PTPRS: variants seen among roughly 807,000 people sequenced by gnomAD.
The protein encoded by PTPRS is receptor-type tyrosine-protein phosphatase S.
Under a neutral mutation model 215.3 loss-of-function variants are expected in PTPRS, and 63 were observed. The ratio of observed to expected loss-of-function variants is 0.29; its 90% CI spans 0.24 to 0.36. The LOEUF is 0.36. Among genes scored for constraint, PTPRS ranks in the 10% least tolerant of loss-of-function variants. The pLI, the probability that PTPRS is intolerant of heterozygous loss-of-function variation, is 1.00. For missense variants in PTPRS, 2,258 were observed against 2,825.8 expected, an observed-to-expected ratio of 0.80 and a Z score of 4.56; for synonymous variants, 1,404 against 1,191.4, an observed-to-expected ratio of 1.18 and a Z score of -3.68.
intron 1 of PTPRS, among the ~76,000 whole-genome samples, chr19:5,323,288 G>C (rs1019548031): frequency 6.6e-6 from 1 of 152,172 alleles, no homozygotes; most frequent in African/African-American, 2.4e-5. Context: ...CAATCCGGGA[G>C]GCAGAGGTTG....
At chr19:5,254,141 T>C (rs567989268) in intron 9 of PTPRS, among the ~76,000 whole-genome samples, 1 of 152,172 alleles carries the variant, frequency 6.6e-6, no homozygotes, top group South Asian at 2.1e-4. Context: ...GCACCTAGCT[T>C]TGGTGGAGGG....
intron 2 of PTPRS, among the ~76,000 whole-genome samples, chr19:5,276,482 CA>C (rs1358400760): frequency 2.0e-5 from 3 of 152,000 alleles, no homozygotes; most frequent in African/African-American, 7.3e-5. Flanking sequence ...CTTGGCCTCC[CA>C]AAGTGCTGGG....
chr19:5,332,823 G>C (rs1489188244), intron 1 of PTPRS, among the ~76,000 whole-genome samples: 1 of 152,226 alleles, frequency 6.6e-6, no homozygotes, highest in Non-Finnish European at 1.5e-5. Flanking sequence ...CCCAGCTCTG[G>C]GGGCTTTCAG....
Position 5,221,216 on chromosome 19 carries a change from C to G in PTPRS, c.3239G>C (p.Arg1080Pro). Residue 1080 changes from arginine to proline, a missense_variant, in exon 20 of 38, where the codon CGT (arginine) becomes CCT (proline). Transcript: ENST00000262963. ...YNGLTLDVDG[R>P]TTKKLITHLK... ...GTGCGTGATGAGCTTCTTGGTGGTA[C>G]GGCCATCCACATCCAGTGTGAGCCC... The G allele has an allele frequency of 6.2e-7, 1 of 1,613,680 alleles. No homozygotes were observed. Among genetic ancestry groups the G allele is most frequent in the Non-Finnish European group, 8.5e-7 (1 of 1,179,870 alleles).
intron 32 of PTPRS, 90 bp downstream of exon 32, chr19:5,211,872 CCTT>C (rs1489041173): frequency 6.4e-7 from 1 of 1,567,054 alleles, no homozygotes; most frequent in East Asian, 2.3e-5. Context: ...CCTGCCACCA[CCTT>C]CTAGTCCCCA....
rs764548101 is a variant in PTPRS at position 5,220,391 on chromosome 19, T to C, written c.3456-38A>G. ...GGGAAAGAGTCAGAGGGGCTGTCGA[T>C]AGGGATGACCAAGGGATGCTTCATG... On this transcript the variant is annotated intron_variant, in intron 20 of 37. Transcript: ENST00000262963. 3.2e-6 allele frequency: 5 copies of C among 1,545,052 alleles called. No homozygotes were observed. The South Asian group carries it at 3.4e-5, about 11-fold the overall frequency.
intron 13 of PTPRS, among the ~76,000 whole-genome samples, chr19:5,233,903 G>A (rs1466151205): frequency 1.7e-5 from 2 of 119,860 alleles, no homozygotes; most frequent in African/African-American, 6.3e-5. Context: ...CCAAGATCGT[G>A]CCACTGTACT....
At chr19:5,326,488 C>A (rs765505938) in intron 1 of PTPRS, among the ~76,000 whole-genome samples, 13 of 152,120 alleles carry the variant, frequency 8.5e-5, no homozygotes, top group Non-Finnish European at 1.6e-4. Flanking sequence ...ACAAAGTTTT[C>A]TCTTTTACGT....
At chr19:5,328,505 T>C (rs1187507984) in intron 1 of PTPRS, among the ~76,000 whole-genome samples, 1 of 151,932 alleles carries the variant, frequency 6.6e-6, no homozygotes, top group African/African-American at 2.4e-5. Context: ...CCCAAAGTGT[T>C]GGGATTATAG....
rs1355698869 is a variant in PTPRS, at chr19:5,210,929, C to G, written c.5235-124G>C. The G allele has an allele frequency of 7.5e-7, 1 of 1,329,122 alleles. No homozygotes were observed. The highest frequency in any genetic ancestry group is 1.0e-6 in the Non-Finnish European group (1 of 991,596). 82.3% of individuals were successfully genotyped at this position (1,329,122 alleles called of 1,614,324 possible). A position where few individuals can be genotyped will look rare whatever the true frequency, so the allele number is the denominator to read the frequency against. Reference sequence around the variant, plus strand: ...CTACACCTACCACCCCACTGCCTGCCAGGAATGGCTGCTGGGTGCACCACT... The same window carrying G: ...CTACACCTACCACCCCACTGCCTGCGAGGAATGGCTGCTGGGTGCACCACT... On this transcript the variant is annotated intron_variant, in intron 33 of 37. Transcript: ENST00000262963. The surrounding 1 kb of genome is among the most constrained non-coding windows in gnomAD (Gnocchi z 4.5).
intron 2 of PTPRS, among the ~76,000 whole-genome samples, chr19:5,281,242 A>G (rs1451345072): frequency 1.3e-5 from 2 of 151,490 alleles, no homozygotes; most frequent in Admixed American, 1.3e-4. Flanking sequence ...GGGAGGATCA[A>G]CTGAGGTCAG....
chr19:5,278,430 T>G (rs977513087), intron 2 of PTPRS, among the ~76,000 whole-genome samples: 2 of 152,064 alleles, frequency 1.3e-5, no homozygotes. Flanking sequence ...GGTCTCAAAC[T>G]CCTGTCCTCA....
intron 1 of PTPRS, among the ~76,000 whole-genome samples, chr19:5,326,067 C>T (rs561562789): frequency 6.6e-6 from 1 of 152,258 alleles, no homozygotes; most frequent in African/African-American, 2.4e-5. Flanking sequence ...GCTGTCACTA[C>T]CAAAAATACA....
Position 5,210,563 on chromosome 19 carries a change from C to T in PTPRS, c.5393G>A (p.Arg1798His), listed in dbSNP as rs771577284. The change falls in exon 35 of 38, where the codon CGC (arginine) becomes CAC (histidine). Residue 1798 changes from arginine (R) to histidine (H), a missense_variant. Physicochemically the swap from Arg to His is conservative, Grantham distance 29 (BLOSUM62 0). Around this residue, in one of 6 missense-constraint regions of PTPRS, gnomAD observed 927 missense variants for 1,125.9 expected, o/e 0.82. Coordinates refer to ENST00000262963, the MANE Select transcript of PTPRS (RefSeq NM_002850.4). The surrounding 1 kb of genome is among the most constrained non-coding windows in gnomAD (Gnocchi z 4.5). ...EKCHQYWPAE[R>H]SARYQYFVVD... is the part of the protein sequence containing the mutation. ...CACAAAGTACTGGTAGCGGGCAGAG[C>T]GCTCGGCCGGCCAGTACTGGTGACA... is the stretch of plus-strand genomic sequence containing the variant. The T allele has an allele frequency of 6.2e-6, 10 of 1,614,188 alleles. No individual in the cohort carries two copies. In the Admixed American group the frequency reaches 8.3e-5, roughly 13 times the overall value.
intron 4 of PTPRS, among the ~76,000 whole-genome samples, chr19:5,269,282 G>A (rs957028418): frequency 1.3e-5 from 2 of 152,194 alleles, no homozygotes; most frequent in Admixed American, 1.3e-4. Flanking sequence ...CCAGGGTGCA[G>A]GGGGAGGTCT....
At chr19:5,252,740 G>A (rs895797299) in intron 9 of PTPRS, among the ~76,000 whole-genome samples, 1 of 151,424 alleles carries the variant, frequency 6.6e-6, no homozygotes, top group Admixed American at 6.6e-5. Context: ...CAGGCGTGGT[G>A]GAGGGCAACT....
chr19:5,218,442 T>A lies in PTPRS; in HGVS notation c.4026A>T (p.Arg1342Ser), dbSNP rs374679831. ...TACCTGGAGTCTGGAAGTTAATGCG[T>A]CTCATTTCCACAGGGTCCTTGGGGT... ...PHHPKDPVEM[R>S]RINFQTPDSG... Residue 1342 changes from arginine to serine, a missense_variant, in exon 25 of 38, where the codon AGA becomes AGT. By Grantham distance (110) the Arg-to-Ser change is moderately radical. Around this residue, in one of 6 missense-constraint regions of PTPRS, gnomAD observed 927 missense variants for 1,125.9 expected, o/e 0.82. Coordinates refer to ENST00000262963, the MANE Select transcript of PTPRS (RefSeq NM_002850.4). The A allele has an allele frequency of 1.2e-6, 2 of 1,613,728 alleles. No individual in the cohort carries two copies. Among genetic ancestry groups the A allele is most frequent in the Non-Finnish European group, 1.7e-6 (2 of 1,179,968 alleles).
chr19:5,329,085 G>T (rs865905070), intron 1 of PTPRS, among the ~76,000 whole-genome samples: 3 of 152,178 alleles, frequency 2.0e-5, no homozygotes, highest in Non-Finnish European at 4.4e-5. Context: ...GATATCGTGA[G>T]GGAAAACAAA....
intron 1 of PTPRS, among the ~76,000 whole-genome samples, chr19:5,317,438 C>T (rs2049907925): frequency 6.6e-6 from 1 of 152,092 alleles, no homozygotes; most frequent in Non-Finnish European, 1.5e-5. Flanking sequence ...TGCCACTGCA[C>T]CCCAGACTGG....
Sources: gnomAD v4.1 joint callset for allele counts (sites outside exome capture counted in the v4.1 genomes callset) on GRCh38, gnomAD v4.1.1 for gene constraint, gnomAD v4.1.1 regional missense constraint, Gnocchi (gnomAD v3.1) non-coding constraint, MANE v1.5 for transcripts, NCBI Gene and HGNC (gene_info 2026-07-23, HGNC 2026-07-21) for gene names.